UBE2G1: variants seen among roughly 807,000 people sequenced by gnomAD.
The protein encoded by UBE2G1 is ubiquitin-conjugating enzyme E2 G1.
In UBE2G1, 5 loss-of-function variants were observed where a neutral mutation model predicts 22.7. That is an observed-to-expected ratio of 0.22 (90% CI 0.12 to 0.46). The LOEUF is 0.46. UBE2G1 is among the 20% of genes least tolerant of loss of function. The pLI is 0.99. For synonymous variants in UBE2G1, 74 were observed against 67.5 expected, an observed-to-expected ratio of 1.10 and a Z score of -0.47; for missense variants, 88 against 203.9, an observed-to-expected ratio of 0.43 and a Z score of 3.46.
At chr17:4,276,915 T>G (rs1055667177) in intron 5 of UBE2G1, among the ~76,000 whole-genome samples, 2 of 152,148 alleles carry the variant, frequency 1.3e-5, no homozygotes, top group African/African-American at 2.4e-5. Flanking sequence ...AAAGAGCCAG[T>G]TGACCAAGCC....
chr17:4,346,807 T>C (rs1234745881), intron 1 of UBE2G1, among the ~76,000 whole-genome samples: 1 of 152,082 alleles, frequency 6.6e-6, no homozygotes, highest in Non-Finnish European at 1.5e-5. Flanking sequence ...ATTCAAAATA[T>C]ATTTGCTGAG....
At chr17:4,294,967 G>A (rs1487652812) in intron 3 of UBE2G1, among the ~76,000 whole-genome samples, 1 of 151,708 alleles carries the variant, frequency 6.6e-6, no homozygotes, top group Non-Finnish European at 1.5e-5. Flanking sequence ...AGGGAGAGAA[G>A]GGGAAAAGGA....
At chr17:4,364,019 C>T (rs1343795637) in intron 1 of UBE2G1, 1 of 141,848 alleles carries the variant, frequency 7.0e-6, no homozygotes, top group Non-Finnish European at 1.5e-5. Context: ...AATCCCAATA[C>T]TTTGGGAGGC....
chr17:4,339,573 G>A lies in UBE2G1; in HGVS notation c.46+26698C>T, dbSNP rs1286170232. On this transcript the variant is annotated intron_variant, in intron 1 of 5. Transcript: ENST00000396981. ...ACCTGCCTTGGCCTCCCAAAGTGCT[G>A]GGATTACAGGCGTGAGCCACCGCGC... Among the ~76,000 whole-genome samples the A allele has an allele frequency of 2.0e-5, 3 of 152,098 alleles. No homozygotes were observed. In the East Asian group the frequency reaches 5.8e-4, roughly 29 times the overall value.
intron 1 of UBE2G1, among the ~76,000 whole-genome samples, chr17:4,353,505 AT>A (rs1159141218): frequency 2.2e-3 from 307 of 140,812 alleles, no homozygotes; most frequent in Middle Eastern, 3.6e-3. Flanking sequence ...ACACCCCAGC[AT>A]TTTTTTTTTT....
Position 4,300,053 on chromosome 17 carries a change from C to G in UBE2G1, c.150-3239G>C, listed in dbSNP as rs368501351. 2.7e-5 allele frequency among the ~76,000 whole-genome samples: 4 copies of G among 149,288 alleles called. No individual in the cohort carries two copies. In the East Asian group the frequency reaches 7.9e-4, roughly 30 times the overall value. On this transcript the variant is annotated intron_variant, in intron 2 of 5. Coordinates refer to ENST00000396981, the MANE Select transcript of UBE2G1 (RefSeq NM_003342.5). ...TGTTGGCCAGGCTGGTCTTGAACTC[C>G]TGACCTTCTGAGCCACCGCACCTGG... is the stretch of plus-strand genomic sequence containing the variant.
At chr17:4,307,150 T>C in intron 1 of UBE2G1, 27 bp from the exon 2 acceptor site, 1 of 1,577,224 alleles carries the variant, frequency 6.3e-7, no homozygotes, top group Non-Finnish European at 8.7e-7. Context: ...GTTTAATCAA[T>C]ACATTTAAGC....
Position 4,366,464 on chromosome 17 carries a change from G to GCTCC in UBE2G1, c.-149_-148insGGAG. The GCTCC allele has an allele frequency of 7.2e-6, 5 of 693,718 alleles. No individual in the cohort carries two copies. Among genetic ancestry groups the GCTCC allele is most frequent in the Non-Finnish European group, 1.1e-5 (5 of 475,262 alleles). The allele number at this position is 693,718 out of a possible 1,614,324, so 43.0% of individuals were successfully genotyped here. On this transcript the variant is annotated 5_prime_UTR_variant, in exon 1 of 6. Coordinates refer to ENST00000396981, the MANE Select transcript of UBE2G1 (RefSeq NM_003342.5). The stretch of plus-strand genomic sequence containing the variant: ...GGAAGGCCGGGCTGAGGCGGCGGGA[G>GCTCC]CGGCGCCTCGCTGCCGGTGCGAGTC...
chr17:4,288,393 AT>A (rs1469729819), intron 4 of UBE2G1, among the ~76,000 whole-genome samples: 1 of 151,826 alleles, frequency 6.6e-6, no homozygotes, highest in Admixed American at 6.6e-5. Flanking sequence ...CGCCCGGCTA[AT>A]TTTTCGTATT....
chr17:4,277,369 G>A (rs1443358775), intron 5 of UBE2G1, among the ~76,000 whole-genome samples: 2 of 152,170 alleles, frequency 1.3e-5, no homozygotes, highest in African/African-American at 4.8e-5. Flanking sequence ...AATTTGTTAC[G>A]TAGCAATAAA....
In UBE2G1 at chr17:4,352,251, A is replaced by G. The variant is rs1032280513; in HGVS notation, c.46+14020T>C. On this transcript the variant is annotated intron_variant, in intron 1 of 5. Coordinates refer to ENST00000396981, the MANE Select transcript of UBE2G1 (RefSeq NM_003342.5). ...CTAATTTAAACATTGTTTTTCTAAG[A>G]GGGGGTCTTGCTGTGTCAACCAGGC... Among the ~76,000 whole-genome samples, 52 of 152,148 alleles carry G rather than the reference A, an allele frequency of 3.4e-4. 1 individual carries two copies. The highest frequency in any genetic ancestry group is 1.2e-3 in the African/African-American group (49 of 41,464).
At chr17:4,343,152 T>C (rs1969730002) in intron 1 of UBE2G1, among the ~76,000 whole-genome samples, 1 of 152,218 alleles carries the variant, frequency 6.6e-6, no homozygotes, top group Non-Finnish European at 1.5e-5. Context: ...CTGCTATGTT[T>C]ACAAAAGTAG....
At chr17:4,296,076 C>T (rs1206304969) in intron 3 of UBE2G1, among the ~76,000 whole-genome samples, 1 of 151,520 alleles carries the variant, frequency 6.6e-6, no homozygotes, top group Admixed American at 6.6e-5. Context: ...AACCAGGTTT[C>T]ATAATTTCTG....
chr17:4,269,649 G>A lies in UBE2G1; in HGVS notation c.*2905C>T, dbSNP rs535385567. 5.4e-6 allele frequency: 1 copy of A among 186,262 alleles called. No individual in the cohort carries two copies. The highest frequency in any genetic ancestry group is 1.4e-4 in the South Asian group (1 of 7,000). The allele number at this position is 186,262 out of a possible 1,614,324, so 11.5% of individuals were successfully genotyped here. On this transcript the variant is annotated 3_prime_UTR_variant, in exon 6 of 6. Transcript: ENST00000396981. ...CAAACATGTTACCTTAGTATGACAC[G>A]TCAACCTCATATGGATTTTAAACTC... is the stretch of plus-strand genomic sequence containing the variant.
intron 3 of UBE2G1, among the ~76,000 whole-genome samples, chr17:4,294,415 C>CAAAAAAA (rs68047533): frequency 3.4e-5 from 4 of 117,200 alleles, no homozygotes; most frequent in African/African-American, 1.8e-4. Context: ...GACTCCGTCT[C>CAAAAAAA]AAAAAAAAAA....
chr17:4,313,811 T>C (rs867747080), intron 1 of UBE2G1, among the ~76,000 whole-genome samples: 48 of 152,278 alleles, frequency 3.2e-4, no homozygotes, highest in African/African-American at 1.0e-3. Flanking sequence ...GACTGTTAAA[T>C]GGGAGTTATG....
chr17:4,306,501 T>G (rs1245939638), intron 2 of UBE2G1, among the ~76,000 whole-genome samples: 1 of 152,030 alleles, frequency 6.6e-6, no homozygotes, highest in Non-Finnish European at 1.5e-5. Flanking sequence ...AAACTATTAT[T>G]TTTAATAGCA....
intron 4 of UBE2G1, among the ~76,000 whole-genome samples, chr17:4,286,852 G>A (rs572422256): frequency 6.6e-6 from 1 of 152,156 alleles, no homozygotes; most frequent in African/African-American, 2.4e-5. Context: ...GACCAGCCTG[G>A]CCAACATGGT....
intron 5 of UBE2G1, among the ~76,000 whole-genome samples, chr17:4,280,334 G>A (rs1968872442): frequency 8.2e-6 from 1 of 122,686 alleles, no homozygotes; most frequent in South Asian, 2.7e-4. Context: ...GCGGCACCTG[G>A]GCTTTTTTTT....
Sources: allele counts gnomAD v4.1 joint callset (sites outside exome capture counted in the v4.1 genomes callset), GRCh38; gene constraint gnomAD v4.1.1; transcripts MANE v1.5; gene names NCBI Gene and HGNC (gene_info 2026-07-23, HGNC 2026-07-21).